The following FGF12 variants were observed in gnomAD, a reference collection of about 807,000 sequenced individuals.
FGF12 encodes fibroblast growth factor 12.
Under a neutral mutation model 23.6 loss-of-function variants are expected in FGF12, and 14 were observed. The ratio of observed to expected loss-of-function variants is 0.59; its 90% CI spans 0.39 to 0.93. The LOEUF (loss-of-function observed/expected upper bound fraction) is 0.93, where lower values mean the gene tolerates loss of function less well. FGF12 is among the 40% of genes least tolerant of loss of function. FGF12 has a pLI of 0.00. For missense variants in FGF12, 175 were observed against 217.8 expected, an observed-to-expected ratio of 0.80 and a Z score of 1.24; for synonymous variants, 62 against 77.3, an observed-to-expected ratio of 0.80 and a Z score of 1.04.
intron 2 of FGF12, among the ~76,000 whole-genome samples, chr3:192,678,765 C>T (rs888688708): frequency 6.6e-6 from 1 of 152,182 alleles, no homozygotes; most frequent in African/African-American, 2.4e-5. Flanking sequence ...GGTAAAGAAT[C>T]CAGGGCCTTC....
intron 2 of FGF12, among the ~76,000 whole-genome samples, chr3:192,567,472 A>G (rs1388378833): frequency 6.6e-6 from 1 of 151,586 alleles, no homozygotes; most frequent in Non-Finnish European, 1.5e-5. Flanking sequence ...GCCTGGGGGG[A>G]AAAGCATGTA....
At chr3:192,400,301 A>G (rs1720702994) in intron 2 of FGF12, among the ~76,000 whole-genome samples, 1 of 151,870 alleles carries the variant, frequency 6.6e-6, no homozygotes, top group Non-Finnish European at 1.5e-5. Context: ...AAACAGCCTT[A>G]TATATATGGG....
At chr3:192,440,413 T>C (rs917816350) in intron 2 of FGF12, among the ~76,000 whole-genome samples, 2 of 152,062 alleles carry the variant, frequency 1.3e-5, no homozygotes, top group African/African-American at 4.8e-5. Context: ...GCGGTGGCAG[T>C]GGGGCAATCA....
chr3:192,408,984 G>C lies in FGF12; in HGVS notation c.14-48446C>G, dbSNP rs1721086502. 1.0e-6 allele frequency: 1 copy of C among 984,912 alleles called. No individual in the cohort carries two copies. The highest frequency in any genetic ancestry group is 6.2e-5 in the Admixed American group (1 of 16,260). 61.0% of individuals were successfully genotyped at this position (984,912 alleles called of 1,614,324 possible). A position where few individuals can be genotyped will look rare whatever the true frequency, so the allele number is the denominator to read the frequency against. On this transcript the variant is annotated intron_variant, in intron 2 of 5. Transcript: ENST00000445105. The surrounding 1 kb of genome is among the most constrained non-coding windows in gnomAD (Gnocchi z 7.3). Reference sequence around the variant, plus strand: ...GTGGGAGCGGTTACCCGGAGTCTGGGTAGGGGCGCGGGGCGGGGGCAGCTG... The same window carrying C: ...GTGGGAGCGGTTACCCGGAGTCTGGCTAGGGGCGCGGGGCGGGGGCAGCTG...
At chr3:192,558,801 T>C (rs1402919410) in intron 2 of FGF12, among the ~76,000 whole-genome samples, 2 of 151,878 alleles carry the variant, frequency 1.3e-5, no homozygotes, top group Non-Finnish European at 3.0e-5. Flanking sequence ...CCCATATGTA[T>C]ATATTGGTTA....
intron 2 of FGF12, among the ~76,000 whole-genome samples, chr3:192,627,360 A>G (rs1448456089): frequency 6.6e-6 from 1 of 152,074 alleles, no homozygotes; most frequent in Non-Finnish European, 1.5e-5. Flanking sequence ...GGTTATTTTT[A>G]GTTTTATTGC....
rs1375423138 is a variant in FGF12 at position 192,267,742 on chromosome 3, T to C, written c.228+67619A>G. Among the ~76,000 whole-genome samples the C allele has an allele frequency of 2.0e-5, 3 of 152,212 alleles. No homozygotes were observed. In the East Asian group the frequency reaches 5.8e-4, roughly 29 times the overall value. ...TATGCACATACATCAATTTGCTGTA[T>C]AATTTCCCTAAACTTATTCATGGAC... On this transcript the variant is annotated intron_variant, in intron 4 of 5. Transcript: ENST00000445105.
Position 192,142,519 on chromosome 3 carries a change from G to A in FGF12, c.*1490C>T, listed in dbSNP as rs972317371. On this transcript the variant is annotated 3_prime_UTR_variant, in exon 6 of 6. Transcript: ENST00000445105. ...TGTTTTTTTTTCTTTAAATTTGGAT[G>A]TCTCTACACCACTCCTGATTTGTAG... 1 of 151,974 alleles carries A rather than the reference G, an allele frequency of 6.6e-6. No individual in the cohort carries two copies. The highest frequency in any genetic ancestry group is 1.5e-5 in the Non-Finnish European group (1 of 67,840). 9.4% of individuals were successfully genotyped at this position (151,974 alleles called of 1,614,324 possible).
chr3:192,506,718 C>T (rs1334621521), intron 2 of FGF12, among the ~76,000 whole-genome samples: 1 of 151,774 alleles, frequency 6.6e-6, no homozygotes, highest in African/African-American at 2.4e-5. Context: ...TTAACCCTTG[C>T]CTGGGATGGC....
At chr3:192,718,295 A>ACAT (rs1718927780) in intron 2 of FGF12, among the ~76,000 whole-genome samples, 1 of 151,598 alleles carries the variant, frequency 6.6e-6, no homozygotes, top group Admixed American at 6.6e-5. Context: ...TAAAGAGGAC[A>ACAT]CATATGAGGG....
chr3:192,494,351 G>A (rs1723886224), intron 2 of FGF12, among the ~76,000 whole-genome samples: 1 of 152,206 alleles, frequency 6.6e-6, no homozygotes, highest in Non-Finnish European at 1.5e-5. Context: ...TTGATAAGCA[G>A]CCAAAACATC....
At chr3:192,549,755 A>G (rs1446037265) in intron 2 of FGF12, among the ~76,000 whole-genome samples, 2 of 152,184 alleles carry the variant, frequency 1.3e-5, no homozygotes, top group Non-Finnish European at 2.9e-5. Context: ...CCTTCTGTCT[A>G]ACTGCTATGA....
At chr3:192,396,797 TTCAGCCCTA>T (rs1720541482) in intron 2 of FGF12, among the ~76,000 whole-genome samples, 1 of 152,230 alleles carries the variant, frequency 6.6e-6, no homozygotes, top group Non-Finnish European at 1.5e-5. Flanking sequence ...CTTGCTGCTC[TTCAGCCCTA>T]ACAGGTGTCT....
chr3:192,533,830 T>A (rs1725158596), intron 2 of FGF12, among the ~76,000 whole-genome samples: 1 of 152,216 alleles, frequency 6.6e-6, no homozygotes, highest in Non-Finnish European at 1.5e-5. Context: ...CTAATTTGCA[T>A]TGCATACTGT....
chr3:192,540,768 A>T (rs1211866988), intron 2 of FGF12, among the ~76,000 whole-genome samples: 1 of 152,152 alleles, frequency 6.6e-6, no homozygotes, highest in Non-Finnish European at 1.5e-5. Flanking sequence ...GTTGGAGTCT[A>T]TCTTTCTCTT....
At chr3:192,419,947 T>C (rs1721471328) in intron 2 of FGF12, among the ~76,000 whole-genome samples, 1 of 152,174 alleles carries the variant, frequency 6.6e-6, no homozygotes. Flanking sequence ...AATGTTCCTC[T>C]GAGTTGTGGT....
chr3:192,656,310 C>T (rs1222010779), intron 2 of FGF12, among the ~76,000 whole-genome samples: 2 of 98,568 alleles, frequency 2.0e-5, no homozygotes, highest in Non-Finnish European at 4.7e-5. Flanking sequence ...CACACACACA[C>T]ACACACACAC....
At chr3:192,522,068 G>T (rs1262605406) in intron 2 of FGF12, among the ~76,000 whole-genome samples, 1 of 152,034 alleles carries the variant, frequency 6.6e-6, no homozygotes, top group Non-Finnish European at 1.5e-5. Context: ...CGCGGTGGCG[G>T]GCGCCTGTAG....
intron 2 of FGF12, among the ~76,000 whole-genome samples, chr3:192,570,758 AT>A (rs1183221736): frequency 2.0e-5 from 3 of 152,158 alleles, no homozygotes; most frequent in Non-Finnish European, 4.4e-5. Flanking sequence ...TTCATAAAAT[AT>A]TTTTATTGAT....
Sources: gnomAD v4.1 joint callset for allele counts (sites outside exome capture counted in the v4.1 genomes callset) on GRCh38, gnomAD v4.1.1 for gene constraint, Gnocchi (gnomAD v3.1) non-coding constraint, MANE v1.5 for transcripts, NCBI Gene and HGNC (gene_info 2026-07-23, HGNC 2026-07-21) for gene names.